GALNT17: variants seen among roughly 807,000 people sequenced by gnomAD.
GALNT17 encodes UDP-GalNAc:polypeptide N-acetylgalactosaminyltransferase-like 3.
Under a neutral mutation model 63.7 loss-of-function variants are expected in GALNT17, and 29 were observed. That is an observed-to-expected ratio of 0.46 (90% confidence interval 0.34 to 0.62). GALNT17 has a LOEUF of 0.62. Ranked by LOEUF, GALNT17 falls within the 20% of genes least tolerant of loss-of-function variation. GALNT17 has a pLI of 0.01. For missense variants in GALNT17, 603 were observed against 799.6 expected, an observed-to-expected ratio of 0.75 and a Z score of 2.97; for synonymous variants, 305 against 318.3, an observed-to-expected ratio of 0.96 and a Z score of 0.45.
intron 5 of GALNT17, among the ~76,000 whole-genome samples, chr7:71,439,486 A>G (rs1304917630): frequency 6.6e-6 from 1 of 152,158 alleles, no homozygotes; most frequent in Non-Finnish European, 1.5e-5. Context: ...AGCTGGAGCA[A>G]CATTAGCAAC....
chr7:71,685,796 G>A (rs1401571189), intron 9 of GALNT17: 1 of 152,056 alleles, frequency 6.6e-6, no homozygotes, highest in African/African-American at 2.4e-5. Flanking sequence ...CATATAGGTG[G>A]TGATCATATG....
intron 6 of GALNT17, among the ~76,000 whole-genome samples, chr7:71,630,106 G>A (rs1790434032): frequency 6.9e-6 from 1 of 144,598 alleles, no homozygotes; most frequent in South Asian, 2.2e-4. Flanking sequence ...CAGACATCCA[G>A]GGGCAATGCT....
At chr7:71,378,316 A>T (rs1792782646) in intron 2 of GALNT17, among the ~76,000 whole-genome samples, 1 of 152,192 alleles carries the variant, frequency 6.6e-6, no homozygotes, top group East Asian at 1.9e-4. Context: ...CGCACCTCTC[A>T]GTGATTCCAA....
At chr7:71,525,252 T>G (rs370851849) in intron 5 of GALNT17, among the ~76,000 whole-genome samples, 46 of 152,330 alleles carry the variant, frequency 3.0e-4, no homozygotes, top group African/African-American at 1.0e-3. Context: ...CGCTGCTCAC[T>G]GCAACCTCCG....
chr7:71,388,715 T>C (rs112090409), intron 3 of GALNT17, among the ~76,000 whole-genome samples: 7,283 of 151,594 alleles, frequency 0.048, 340 homozygotes, highest in African/African-American at 0.12. Context: ...TTAGTAGAGA[T>C]GGGGTTTCAC....
At chr7:71,615,748 G>A (rs909572564) in intron 6 of GALNT17, among the ~76,000 whole-genome samples, 1 of 152,108 alleles carries the variant, frequency 6.6e-6, no homozygotes, top group Non-Finnish European at 1.5e-5. Context: ...AAAGTGCTGG[G>A]ATTACAGGCG....
intron 6 of GALNT17, among the ~76,000 whole-genome samples, chr7:71,628,525 G>A (rs1225883721): frequency 6.6e-6 from 1 of 152,038 alleles, no homozygotes; most frequent in East Asian, 2.0e-4. Flanking sequence ...GTTTCACCGT[G>A]TTGGCTATGC....
chr7:71,392,879 T>A (rs1342511547), intron 3 of GALNT17, among the ~76,000 whole-genome samples: 1 of 152,182 alleles, frequency 6.6e-6, no homozygotes, highest in Non-Finnish European at 1.5e-5. Flanking sequence ...TATTTTTCAT[T>A]TTATTAAGAT....
chr7:71,482,956 G>A (rs935875509), intron 5 of GALNT17, among the ~76,000 whole-genome samples: 4 of 152,184 alleles, frequency 2.6e-5, no homozygotes, highest in African/African-American at 9.7e-5. Context: ...CGGTGGGTAA[G>A]GCGAGTGATG....
chr7:71,230,580 A>AG (rs1156260905), intron 1 of GALNT17, among the ~76,000 whole-genome samples: 8 of 152,088 alleles, frequency 5.3e-5, no homozygotes, highest in Admixed American at 6.5e-5. Context: ...CGGCATGGTG[A>AG]GTGGTTGGGG....
chr7:71,676,042 C>T (rs1334522265), intron 8 of GALNT17, among the ~76,000 whole-genome samples: 1 of 152,046 alleles, frequency 6.6e-6, no homozygotes, highest in Non-Finnish European at 1.5e-5. Flanking sequence ...TCTTTGTTTC[C>T]ATGGAGAATA....
intron 2 of GALNT17, among the ~76,000 whole-genome samples, chr7:71,368,763 T>C (rs985728202): frequency 3.3e-5 from 5 of 152,152 alleles, no homozygotes; most frequent in Non-Finnish European, 5.9e-5. Context: ...AGCTAATGTT[T>C]CTGGGTGATA....
intron 5 of GALNT17, among the ~76,000 whole-genome samples, chr7:71,482,678 A>C (rs945888697): frequency 3.3e-5 from 5 of 152,184 alleles, no homozygotes; most frequent in African/African-American, 1.2e-4. Context: ...ACCTAAACAT[A>C]GACAGGGTAC....
chr7:71,541,065 C>T (rs1013842653), intron 5 of GALNT17, among the ~76,000 whole-genome samples: 1 of 151,894 alleles, frequency 6.6e-6, no homozygotes, highest in African/African-American at 2.4e-5. Flanking sequence ...ATGGTGAAAC[C>T]TCGTCTCTAC....
At chr7:71,165,626 T>C (rs1788426274) in intron 1 of GALNT17, among the ~76,000 whole-genome samples, 1 of 152,256 alleles carries the variant, frequency 6.6e-6, no homozygotes, top group South Asian at 2.1e-4. Context: ...ATGGGAATTA[T>C]GGAAGCTACA....
intron 6 of GALNT17, among the ~76,000 whole-genome samples, chr7:71,615,405 G>C (rs1452649296): frequency 6.6e-6 from 1 of 150,818 alleles, no homozygotes; most frequent in Non-Finnish European, 1.5e-5. Context: ...GGCTTTTCCA[G>C]CCTGTGCAGT....
intron 1 of GALNT17, among the ~76,000 whole-genome samples, chr7:71,320,274 T>C: frequency 6.6e-6 from 1 of 152,104 alleles, no homozygotes; most frequent in South Asian, 2.1e-4. Context: ...TCTTGCTCCA[T>C]CACCCAGGCT....
At chr7:71,538,338 A>C (rs918137398) in intron 5 of GALNT17, among the ~76,000 whole-genome samples, 11 of 151,982 alleles carry the variant, frequency 7.2e-5, no homozygotes, top group African/African-American at 2.7e-4. Flanking sequence ...AGAGGAAATA[A>C]CCTCTTATTC....
At chr7:71,699,075 G>T (rs10236650) in intron 9 of GALNT17, among the ~76,000 whole-genome samples, 4 of 149,682 alleles carry the variant, frequency 2.7e-5, no homozygotes, top group Non-Finnish European at 5.9e-5. Flanking sequence ...GGGAGGCTGA[G>T]GCAGGAGAAT....
Sources: gnomAD v4.1 joint callset for allele counts (sites outside exome capture counted in the v4.1 genomes callset) on GRCh38, gnomAD v4.1.1 for gene constraint, MANE v1.5 for transcripts, NCBI Gene and HGNC (gene_info 2026-07-23, HGNC 2026-07-21) for gene names.